Variants in SLC17A2 observed in about 807,000 individuals in gnomAD.
SLC17A2 encodes solute carrier family 17 member 2, also known as sodium-dependent phosphate transport protein 3.
SLC17A2 carries 38 observed loss-of-function variants against 52.1 expected under a neutral mutation model. The ratio of observed to expected loss-of-function variants is 0.73; its 90% CI spans 0.56 to 0.96. SLC17A2 has a LOEUF of 0.96. Among genes scored for constraint, SLC17A2 ranks in the 40% least tolerant of loss-of-function variants. SLC17A2 has a pLI of 0.00. For missense variants in SLC17A2, 508 were observed against 583.9 expected (o/e 0.87, Z 1.34); for synonymous variants, 226 against 211.9 (o/e 1.07, Z -0.58).
intron 7 of SLC17A2, 21 bp downstream of exon 7, chr6:25,916,948 G>A (rs1766347399): frequency 6.2e-7 from 1 of 1,605,330 alleles, no homozygotes; most frequent in African/African-American, 1.3e-5. Flanking sequence ...ATGGGCCACA[G>A]GTACAAGGTG....
rs376320654 is a variant in SLC17A2 at position 25,916,764 on chromosome 6, C to A, written c.851G>T (p.Ser284Ile). 1 of 1,613,890 alleles carries A rather than the reference C, an allele frequency of 6.2e-7. No homozygotes were observed. The highest frequency in any genetic ancestry group is 8.5e-7 in the Non-Finnish European group (1 of 1,179,940). ...GATGATGGTGCACAACCAGAAATGG[C>A]TGAAAAAACCCAGGAAAATGGCCCA... ...PLWAIFLGFFSHFWLCTIILT... is the reference protein window; with the variant it reads ...PLWAIFLGFFIHFWLCTIILT... The change falls in exon 8 of 12, where the codon AGC (serine) becomes ATC (isoleucine). Residue 284 changes from serine to isoleucine, a missense_variant. Ser to Ile is a moderately radical substitution (Grantham distance 142). Transcript: ENST00000377850.
At chr6:25,927,409 G>T (rs1766806361) in intron 1 of SLC17A2, among the ~76,000 whole-genome samples, 2 of 152,150 alleles carry the variant, frequency 1.3e-5, no homozygotes, top group African/African-American at 4.8e-5. Flanking sequence ...AGTGTACAAA[G>T]CAGGATACGC....
intron 8 of SLC17A2, 131 bp downstream of exon 8, chr6:25,916,554 A>G: frequency 2.7e-6 from 2 of 753,594 alleles, no homozygotes; most frequent in Non-Finnish European, 2.2e-6. Context: ...AATTATAACA[A>G]TGCCTCTCTC....
At position 25,915,494 on chromosome 6, in the gene SLC17A2, C is replaced by CTT; in HGVS notation, c.1211+3_1211+4dup. 6.5e-7 allele frequency: 1 copy of CTT among 1,548,864 alleles called. No individual in the cohort carries two copies. Among genetic ancestry groups the CTT allele is most frequent in the Non-Finnish European group, 8.7e-7 (1 of 1,146,430 alleles). ...AGGAGGGGAAAAAACAGGTAGAGCT[C>CTT]TTACCTGGGGGCGATATCTAAGGTG... On this transcript the variant is annotated splice_donor_region_variant and intron_variant, in intron 10 of 11. Transcript: ENST00000377850.
Position 25,929,827 on chromosome 6 carries a change from G to A in SLC17A2, c.-84+450C>T, listed in dbSNP as rs184628533. On this transcript the variant is annotated intron_variant, in intron 1 of 11. Coordinates refer to ENST00000377850, the MANE Select transcript of SLC17A2 (RefSeq NM_001286123.3). ...ATTATTATTATTTTTTTGAGACAGA[G>A]TCTTACTCTGTCACCTAGGCTGGAG... Among the ~76,000 whole-genome samples, 152 of 152,168 alleles carry A rather than the reference G, an allele frequency of 1.0e-3. No individual in the cohort carries two copies. In the Middle Eastern group the frequency reaches 0.01, roughly 10 times the overall value.
intron 8 of SLC17A2, among the ~76,000 whole-genome samples, chr6:25,916,418 T>C (rs1750601828): frequency 6.6e-6 from 1 of 152,144 alleles, no homozygotes; most frequent in African/African-American, 2.4e-5. Context: ...TGGAATCAGC[T>C]GGTGTGGTAG....
chr6:25,923,816 A>C lies in SLC17A2; in HGVS notation c.119T>G (p.Ile40Ser). 1.2e-6 allele frequency: 2 copies of C among 1,614,198 alleles called. No homozygotes were observed. The highest frequency in any genetic ancestry group is 1.7e-6 in the Non-Finnish European group (2 of 1,180,036). ...TMITQRVSLS[I>S]AIIAMVNTTQ... ...GGTGTTCACCATGGCGATGATCGCA[A>C]TGCTCAGACTCACACGCTGCGTTAT... The change falls in exon 3 of 12, where the codon ATT becomes AGT. Residue 40 changes from isoleucine (I) to serine (S), a missense_variant. Coordinates refer to ENST00000377850, the MANE Select transcript of SLC17A2 (RefSeq NM_001286123.3).
Position 25,921,389 on chromosome 6 carries a change from T to G in SLC17A2, c.264A>C (p.Pro88=). The G allele has an allele frequency of 6.2e-7, 1 of 1,613,884 alleles. No individual in the cohort carries two copies. Among genetic ancestry groups the G allele is most frequent in the African/African-American group, 1.3e-5 (1 of 75,048 alleles). The change falls in exon 4 of 12, where the codon CCA becomes CCC. Residue 88 remains proline (P), a synonymous_variant. Coordinates refer to ENST00000377850, the MANE Select transcript of SLC17A2 (RefSeq NM_001286123.3). Reference sequence around the variant, plus strand: ...AGCTAAAGATGATACCCTGAGTTTCTGGGCTCCATTGATACACAGAGGCCT... The same window carrying G: ...AGCTAAAGATGATACCCTGAGTTTCGGGGCTCCATTGATACACAGAGGCCT... ...DTKASVYQWS[P]ETQGIIFSSI... is the part of the protein sequence containing the mutation.
chr6:25,925,258 A>G (rs2151557440), intron 2 of SLC17A2, among the ~76,000 whole-genome samples: 1 of 152,302 alleles, frequency 6.6e-6, no homozygotes, highest in East Asian at 1.9e-4. Flanking sequence ...CCATGCCTGT[A>G]ATCCCAGCAC....
At position 25,916,722 on chromosome 6, in the gene SLC17A2, G is replaced by A. The variant is rs780372808; in HGVS notation, c.893C>T (p.Thr298Met). The stretch of plus-strand genomic sequence containing the variant: ...AACATGGAGCAGAGTACTGATATAC[G>A]TTGGTAGGTATGTTAGGATGATGGT... ...LCTIILTYLP[T>M]YISTLLHVNI... The change falls in exon 8 of 12, where the codon ACG becomes ATG. Residue 298 changes from threonine (T) to methionine (M), a missense_variant. Coordinates refer to ENST00000377850, the MANE Select transcript of SLC17A2 (RefSeq NM_001286123.3). 1.9e-5 allele frequency: 30 copies of A among 1,613,654 alleles called. No individual in the cohort carries two copies. The highest frequency in any genetic ancestry group is 1.0e-4 in the Admixed American group (6 of 60,010).
chr6:25,915,177 A>ATATATATATATATGTG (rs1554137783), intron 10 of SLC17A2, among the ~76,000 whole-genome samples: 1 of 108,028 alleles, frequency 9.3e-6, no homozygotes, highest in Non-Finnish European at 2.0e-5. Flanking sequence ...ATATATATAT[A>ATATATATATATATGTG]TGGTAGCTAA....
chr6:25,926,333 T>C (rs147141298), intron 1 of SLC17A2, among the ~76,000 whole-genome samples: 9 of 152,322 alleles, frequency 5.9e-5, no homozygotes, highest in South Asian at 4.1e-4. Flanking sequence ...CTCCCCTCTG[T>C]ACCACCAGAA....
chr6:25,930,059 C>A (rs1766899405), intron 1 of SLC17A2, among the ~76,000 whole-genome samples: 1 of 152,210 alleles, frequency 6.6e-6, no homozygotes, highest in Non-Finnish European at 1.5e-5. Flanking sequence ...CTCAAGTGAT[C>A]TGCCCGCCTC....
intron 3 of SLC17A2, among the ~76,000 whole-genome samples, chr6:25,922,079 T>C (rs2151552854): frequency 6.6e-6 from 1 of 150,438 alleles, no homozygotes; most frequent in Admixed American, 6.6e-5. Flanking sequence ...AAAAAATAAA[T>C]GCAATAAGGC....
In SLC17A2 at chr6:25,915,724, G is replaced by A. The variant is rs202224262; in HGVS notation, c.1063+12C>T. The A allele has an allele frequency of 3.1e-6, 5 of 1,613,820 alleles. No individual in the cohort carries two copies. Among genetic ancestry groups the A allele is most frequent in the Non-Finnish European group, 4.2e-6 (5 of 1,179,882 alleles). On this transcript the variant is annotated intron_variant, in intron 9 of 11. Coordinates refer to ENST00000377850, the MANE Select transcript of SLC17A2 (RefSeq NM_001286123.3). ...AGGGATTGGTTAAATGGGCCCACAC[G>A]CTTATCCTTACCAAGAGATGAAAAG...
At chr6:25,922,496 A>G (rs578139176) in intron 3 of SLC17A2, among the ~76,000 whole-genome samples, 45 of 152,360 alleles carry the variant, frequency 3.0e-4, no homozygotes, top group South Asian at 2.1e-3. Context: ...CTGAAGGAAC[A>G]CAGCATGTCC....
intron 10 of SLC17A2, among the ~76,000 whole-genome samples, chr6:25,914,938 C>G (rs564038537): frequency 6.6e-6 from 1 of 151,608 alleles, no homozygotes; most frequent in Non-Finnish European, 1.5e-5. Context: ...GTTTGTGCAA[C>G]GGGCAGGACA....
At chr6:25,915,280 AGG>A (rs1766266407) in intron 10 of SLC17A2, among the ~76,000 whole-genome samples, 1 of 150,432 alleles carries the variant, frequency 6.6e-6, no homozygotes, top group Non-Finnish European at 1.5e-5. Flanking sequence ...AAGCTTGGGA[AGG>A]TTTTTGTCAA....
rs1766908389 is a variant in SLC17A2 at position 25,930,370 on chromosome 6, T to C, written c.-177A>G. The C allele has an allele frequency of 1.3e-5, 2 of 152,204 alleles. No individual in the cohort carries two copies. The highest frequency in any genetic ancestry group is 4.1e-4 in the South Asian group (2 of 4,828). The allele number at this position is 152,204 out of a possible 1,614,324, so 9.4% of individuals were successfully genotyped here. ...TAGGGTCTTCATTGAATCAGTTATC[T>C]TTTTCAGAGAGTCTCTTCATTTTGG... is the stretch of plus-strand genomic sequence containing the variant. On this transcript the variant is annotated 5_prime_UTR_variant, in exon 1 of 12. Transcript: ENST00000377850.
Sources: gnomAD v4.1 joint callset for allele counts (sites outside exome capture counted in the v4.1 genomes callset) on GRCh38, gnomAD v4.1.1 for gene constraint, MANE v1.5 for transcripts, NCBI Gene and HGNC (gene_info 2026-07-23, HGNC 2026-07-21) for gene names.